GABRA1: variants seen among roughly 807,000 people sequenced by gnomAD.
The protein encoded by GABRA1 is gamma-aminobutyric acid receptor subunit alpha-1.
A neutral mutation model predicts 48.9 loss-of-function variants in GABRA1; 9 were observed. The ratio of observed to expected loss-of-function variants is 0.18; its 90% CI spans 0.11 to 0.32. The LOEUF (loss-of-function observed/expected upper bound fraction) is 0.32, where lower values mean the gene tolerates loss of function less well. Among genes scored for constraint, GABRA1 ranks in the 10% least tolerant of loss-of-function variants. The probability of loss-of-function intolerance (pLI) is 1.00; values close to 1 mark genes in which losing one functional copy is unlikely to be tolerated. For synonymous variants in GABRA1, 210 were observed against 198.7 expected, an observed-to-expected ratio of 1.06 and a Z score of -0.48; for missense variants, 285 against 553.8, an observed-to-expected ratio of 0.51 and a Z score of 4.87.
intron 2 of GABRA1, among the ~76,000 whole-genome samples, chr5:161,852,136 G>A (rs78173305): frequency 0.028 from 4,144 of 148,998 alleles, 83 homozygotes; most frequent in Non-Finnish European, 0.039. Flanking sequence ...GTAAAATAAA[G>A]ATTTCCATTC....
chr5:161,865,822 G>C, intron 4 of GABRA1, 34 bp downstream of exon 4: 1 of 1,578,546 alleles, frequency 6.3e-7, no homozygotes, highest in Admixed American at 1.7e-5. Flanking sequence ...TTTTCTTGAA[G>C]AATTTTTAAA....
chr5:161,882,516 AGTG>A, intron 6 of GABRA1, 39 bp from the exon 7 acceptor site: 1 of 1,575,096 alleles, frequency 6.3e-7, no homozygotes, highest in Non-Finnish European at 8.7e-7. Flanking sequence ...AGAGAATTGA[AGTG>A]GTAAAATATA....
chr5:161,895,240 A>G (rs1199666961), intron 8 of GABRA1, among the ~76,000 whole-genome samples: 1 of 152,120 alleles, frequency 6.6e-6, no homozygotes, highest in African/African-American at 2.4e-5. Flanking sequence ...TGGTTTACAT[A>G]TTTGGGGTAC....
chr5:161,860,714 C>T (rs1027681804), intron 3 of GABRA1, among the ~76,000 whole-genome samples: 2 of 151,474 alleles, frequency 1.3e-5, no homozygotes, highest in Non-Finnish European at 3.0e-5. Flanking sequence ...GATTATGATG[C>T]ATTGCATGCT....
Position 161,894,047 on chromosome 5 carries a change from T to A in GABRA1, c.857-1619T>A, listed in dbSNP as rs567852912. Among the ~76,000 whole-genome samples the A allele has an allele frequency of 2.0e-3, 304 of 152,262 alleles. 1 individual carries two copies. The highest frequency in any genetic ancestry group is 6.5e-3 in the African/African-American group (270 of 41,550). Reference sequence around the variant, plus strand: ...CTGACTACATAAACCAAGATTTTTTTAAAAAAATTGAATTTATTGTAGTAG... The same window carrying A: ...CTGACTACATAAACCAAGATTTTTTAAAAAAAATTGAATTTATTGTAGTAG... On this transcript the variant is annotated intron_variant, in intron 8 of 9. Transcript: ENST00000393943.
intron 3 of GABRA1, among the ~76,000 whole-genome samples, chr5:161,862,090 C>T (rs1225382420): frequency 6.6e-6 from 1 of 151,824 alleles, no homozygotes; most frequent in Admixed American, 6.6e-5. Flanking sequence ...TATTCATTCC[C>T]TCCTCCATTT....
intron 7 of GABRA1, among the ~76,000 whole-genome samples, chr5:161,883,623 T>C (rs999184979): frequency 1.4e-4 from 22 of 152,164 alleles, no homozygotes; most frequent in Admixed American, 1.3e-3. Context: ...TCTTTCAAAA[T>C]TTAAGTTGAC....
At chr5:161,867,786 A>G (rs1208317929) in intron 4 of GABRA1, among the ~76,000 whole-genome samples, 2 of 152,132 alleles carry the variant, frequency 1.3e-5, no homozygotes, top group Admixed American at 6.6e-5. Context: ...TTATTAGTCC[A>G]ATAAAAAATT....
intron 7 of GABRA1, among the ~76,000 whole-genome samples, chr5:161,883,294 A>G (rs967199847): frequency 4.6e-5 from 7 of 152,154 alleles, no homozygotes; most frequent in Non-Finnish European, 8.8e-5. Flanking sequence ...TAACCACATT[A>G]TTGATCACTC....
intron 6 of GABRA1, among the ~76,000 whole-genome samples, chr5:161,878,002 C>G (rs1754437188): frequency 1.3e-5 from 2 of 152,188 alleles, no homozygotes; most frequent in Admixed American, 1.3e-4. Context: ...CCATTTATCA[C>G]AGCAATGATG....
rs1301690992 is a variant in GABRA1, at chr5:161,897,740, A to C, written c.*318A>C. The C allele has an allele frequency of 7.3e-6, 2 of 275,242 alleles. No individual in the cohort carries two copies. The highest frequency in any genetic ancestry group is 4.5e-5 in the African/African-American group (2 of 44,804). 17.0% of individuals were successfully genotyped at this position (275,242 alleles called of 1,614,324 possible). On this transcript the variant is annotated 3_prime_UTR_variant, in exon 10 of 10. Transcript: ENST00000393943. The stretch of plus-strand genomic sequence containing the variant: ...TAGAAAAAAAAATAACACTTAACTA[A>C]AACCCCTAGGTCATTTGTAGATATA...
chr5:161,881,425 C>T (rs558112598), intron 6 of GABRA1, among the ~76,000 whole-genome samples: 1 of 152,156 alleles, frequency 6.6e-6, no homozygotes, highest in South Asian at 2.1e-4. Context: ...TGTAAATTAT[C>T]CATCAGAATT....
chr5:161,896,970 AAGAC>A, intron 9 of GABRA1, 137 bp from the exon 10 acceptor site: 1 of 715,390 alleles, frequency 1.4e-6, no homozygotes, highest in Non-Finnish European at 2.4e-6. Context: ...TTATTATAAT[AAGAC>A]AGGCATAAAT....
chr5:161,891,404 C>T (rs764367139), intron 8 of GABRA1, among the ~76,000 whole-genome samples: 6 of 152,098 alleles, frequency 3.9e-5, no homozygotes, highest in Middle Eastern at 6.8e-3. Flanking sequence ...CTGAGTTGTT[C>T]GAGAAGCTTA....
intron 6 of GABRA1, 124 bp downstream of exon 6, chr5:161,875,766 G>C: frequency 1.3e-6 from 1 of 754,442 alleles, no homozygotes; most frequent in Non-Finnish European, 2.4e-6. Context: ...TATACCACAT[G>C]GACTTTCCAT....
intron 4 of GABRA1, among the ~76,000 whole-genome samples, chr5:161,867,911 T>C (rs1027086234): frequency 3.3e-5 from 5 of 152,172 alleles, no homozygotes; most frequent in Non-Finnish European, 7.3e-5. Flanking sequence ...TAAATAAATA[T>C]CTTATTTTCT....
intron 6 of GABRA1, among the ~76,000 whole-genome samples, chr5:161,878,806 G>A (rs924325363): frequency 8.5e-5 from 13 of 152,098 alleles, no homozygotes; most frequent in African/African-American, 3.1e-4. Context: ...TAAAGACCTA[G>A]GCAAAAGCTG....
In GABRA1 at chr5:161,873,357, C is replaced by T; in HGVS notation, c.476+20C>T. 1.3e-6 allele frequency: 2 copies of T among 1,564,530 alleles called. No individual in the cohort carries two copies. Among genetic ancestry groups the T allele is most frequent in the Admixed American group, 1.7e-5 (1 of 59,724 alleles). On this transcript the variant is annotated intron_variant, in intron 5 of 9. Coordinates refer to ENST00000393943, the MANE Select transcript of GABRA1 (RefSeq NM_001127644.2). ...CATGAGGTAAGGATGGCTGCACTGC[C>T]ATTCATGAATGTTTCTGTACTTCAT...
rs1475170231 is a variant in GABRA1 at position 161,898,883 on chromosome 5, T to C, written c.*1461T>C. The C allele has an allele frequency of 1.3e-5, 2 of 152,556 alleles. No individual in the cohort carries two copies. The highest frequency in any genetic ancestry group is 4.8e-5 in the African/African-American group (2 of 41,456). The allele number at this position is 152,556 out of a possible 1,614,324, so 9.5% of individuals were successfully genotyped here. A position where few individuals can be genotyped will look rare whatever the true frequency, so the allele number is the denominator to read the frequency against. On this transcript the variant is annotated 3_prime_UTR_variant, in exon 10 of 10. Transcript: ENST00000393943. ...ACAGAAAATAGCTTTTATTGAGTAA[T>C]ATTACATTTCATTTATACTGTAGCA... is the stretch of plus-strand genomic sequence containing the variant.
Sources: allele counts gnomAD v4.1 joint callset (sites outside exome capture counted in the v4.1 genomes callset), GRCh38; gene constraint gnomAD v4.1.1; transcripts MANE v1.5; gene names NCBI Gene and HGNC (gene_info 2026-07-23, HGNC 2026-07-21).